Variants in TIMP3 observed in about 807,000 individuals in gnomAD.
TIMP3 encodes TIMP metallopeptidase inhibitor 3.
A neutral mutation model predicts 30.0 loss-of-function variants in TIMP3; 11 were observed. The ratio of observed to expected loss-of-function variants is 0.37; its 90% confidence interval spans 0.23 to 0.61. TIMP3 has a LOEUF of 0.61. TIMP3 is among the 20% of genes least tolerant of loss of function. The probability of loss-of-function intolerance (pLI) is 0.70; values close to 1 mark genes in which losing one functional copy is unlikely to be tolerated. For synonymous variants in TIMP3, 112 were observed against 111.3 expected, an observed-to-expected ratio of 1.01 and a Z score of -0.04; for missense variants, 181 against 276.8, an observed-to-expected ratio of 0.65 and a Z score of 2.45.
chr22:32,824,493 G>A (rs1040654673), intron 1 of TIMP3, among the ~76,000 whole-genome samples: 1 of 152,058 alleles, frequency 6.6e-6, no homozygotes, highest in Non-Finnish European at 1.5e-5. Flanking sequence ...GCAGATCCCT[G>A]TCTGGAGCTC....
At chr22:32,821,179 G>C (rs1352562443) in intron 1 of TIMP3, among the ~76,000 whole-genome samples, 1 of 152,150 alleles carries the variant, frequency 6.6e-6, no homozygotes, top group African/African-American at 2.4e-5. Flanking sequence ...TCCCGTCTCT[G>C]CCTTTTACCA....
intron 1 of TIMP3, among the ~76,000 whole-genome samples, chr22:32,843,836 G>A (rs1017384182): frequency 2.0e-5 from 3 of 152,108 alleles, no homozygotes; most frequent in Admixed American, 6.5e-5. Flanking sequence ...CTAACCAGAC[G>A]TCCCTTACTT....
chr22:32,832,673 GTATTTTATTTTATTT>G (rs564439917), intron 1 of TIMP3, among the ~76,000 whole-genome samples: 1 of 151,458 alleles, frequency 6.6e-6, no homozygotes, highest in African/African-American at 2.4e-5. Flanking sequence ...AAACCCTCGA[GTATTTTATTTTATTT>G]TATTTTATTT....
chr22:32,812,812 G>C (rs970150064), intron 1 of TIMP3, among the ~76,000 whole-genome samples: 2 of 152,190 alleles, frequency 1.3e-5, no homozygotes, highest in African/African-American at 4.8e-5. Flanking sequence ...GTCACTATCT[G>C]CTCCCCTGAC....
At chr22:32,804,150 G>C (rs1479728818) in intron 1 of TIMP3, among the ~76,000 whole-genome samples, 1 of 152,082 alleles carries the variant, frequency 6.6e-6, no homozygotes, top group Non-Finnish European at 1.5e-5. Flanking sequence ...GAATCAAAAA[G>C]AAAAAAAGAA....
At chr22:32,831,497 T>C (rs566145558) in intron 1 of TIMP3, among the ~76,000 whole-genome samples, 26 of 152,202 alleles carry the variant, frequency 1.7e-4, no homozygotes, top group African/African-American at 4.8e-4. Context: ...CCACTTGATA[T>C]GTGGGGGTCG....
chr22:32,842,181 C>A (rs771500297), intron 1 of TIMP3, among the ~76,000 whole-genome samples: 3 of 152,176 alleles, frequency 2.0e-5, no homozygotes, highest in Non-Finnish European at 4.4e-5. Flanking sequence ...CCAGACCCCA[C>A]GTGCTCCATG....
chr22:32,829,942 C>T (rs2047525159), intron 1 of TIMP3, among the ~76,000 whole-genome samples: 2 of 152,214 alleles, frequency 1.3e-5, no homozygotes, highest in African/African-American at 2.4e-5. Flanking sequence ...CTCTTCCTGC[C>T]TCTTGCTGGG....
At chr22:32,829,827 C>A (rs2047522552) in intron 1 of TIMP3, among the ~76,000 whole-genome samples, 1 of 152,228 alleles carries the variant, frequency 6.6e-6, no homozygotes, top group Non-Finnish European at 1.5e-5. Flanking sequence ...CTCTGACGTA[C>A]CACTTTTGGC....
At chr22:32,828,352 G>A (rs2047474723) in intron 1 of TIMP3, among the ~76,000 whole-genome samples, 1 of 152,224 alleles carries the variant, frequency 6.6e-6, no homozygotes, top group Non-Finnish European at 1.5e-5. Flanking sequence ...TTATGTTGAT[G>A]TGAAGTAGCA....
In TIMP3 at chr22:32,860,909, TTG is replaced by T. The variant is rs2048516632; in HGVS notation, c.*1536_*1537del. ...TTTGCAACCAGTTGTAGGGTTTCTG[TTG>T]TGTTTTTTTTTTTTTTTTTGAAATA... is the stretch of plus-strand genomic sequence containing the variant. On this transcript the variant is annotated 3_prime_UTR_variant, in exon 5 of 5. Transcript: ENST00000266085. 8.9e-6 allele frequency: 1 copy of T among 112,020 alleles called. No homozygotes were observed. 6.9% of individuals were successfully genotyped at this position (112,020 alleles called of 1,614,324 possible). A position where few individuals can be genotyped will look rare whatever the true frequency, so the allele number is the denominator to read the frequency against.
chr22:32,810,427 G>A (rs925875069), intron 1 of TIMP3, among the ~76,000 whole-genome samples: 1 of 151,952 alleles, frequency 6.6e-6, no homozygotes, highest in Non-Finnish European at 1.5e-5. Flanking sequence ...CTGGCTTTTT[G>A]TGGGGGTGGG....
intron 1 of TIMP3, among the ~76,000 whole-genome samples, chr22:32,802,391 C>T (rs908123332): frequency 6.6e-6 from 1 of 152,116 alleles, no homozygotes; most frequent in African/African-American, 2.4e-5. Flanking sequence ...CCTACCGGTC[C>T]TTTTGACATC....
chr22:32,816,998 G>T (rs1190185529), intron 1 of TIMP3, among the ~76,000 whole-genome samples: 3 of 151,666 alleles, frequency 2.0e-5, no homozygotes, highest in Non-Finnish European at 2.9e-5. Context: ...CGAGAGGATC[G>T]CTTGAGCCCA....
Position 32,861,586 on chromosome 22 carries a change from CCT to C in TIMP3, c.*2215_*2216del, listed in dbSNP as rs1184872985. On this transcript the variant is annotated 3_prime_UTR_variant, in exon 5 of 5. Transcript: ENST00000266085. ...CATTCGCACTCCCTGGTGTGGTCAG[CCT>C]CTCTCACACAAGGAGGAACTTGGGT... 8 of 152,594 alleles carry C rather than the reference CCT, an allele frequency of 5.2e-5. No homozygotes were observed. The highest frequency in any genetic ancestry group is 8.8e-5 in the Non-Finnish European group (6 of 68,036). 9.5% of individuals were successfully genotyped at this position (152,594 alleles called of 1,614,324 possible).
At chr22:32,841,186 G>A (rs1489797407) in intron 1 of TIMP3, among the ~76,000 whole-genome samples, 1 of 152,184 alleles carries the variant, frequency 6.6e-6, no homozygotes, top group African/African-American at 2.4e-5. Flanking sequence ...CACTCTTCGG[G>A]CAGCTTTGGC....
At chr22:32,814,133 T>TGA (rs1449647586) in intron 1 of TIMP3, among the ~76,000 whole-genome samples, 32 of 75,612 alleles carry the variant, frequency 4.2e-4, no homozygotes, top group South Asian at 4.3e-4. Context: ...TGTGTGTGTG[T>TGA]GTGTGTGTGA....
intron 1 of TIMP3, among the ~76,000 whole-genome samples, chr22:32,808,614 G>T (rs76255585): frequency 0.016 from 2,400 of 152,256 alleles, 62 homozygotes; most frequent in African/African-American, 0.055. Flanking sequence ...GGTCTGTCCT[G>T]CTCCAGCTGT....
chr22:32,803,183 G>T (rs546372489), intron 1 of TIMP3, among the ~76,000 whole-genome samples: 1 of 151,946 alleles, frequency 6.6e-6, no homozygotes, highest in African/African-American at 2.4e-5. Flanking sequence ...TGGGCTGGGC[G>T]GTGGGGTGGG....
Sources: allele counts gnomAD v4.1 joint callset (sites outside exome capture counted in the v4.1 genomes callset), GRCh38; gene constraint gnomAD v4.1.1; transcripts MANE v1.5; gene names NCBI Gene and HGNC (gene_info 2026-07-23, HGNC 2026-07-21).